Variants in MLLT10 observed in about 807,000 individuals in gnomAD.
The protein encoded by MLLT10 is MLLT10 histone lysine methyltransferase DOT1L cofactor, also known as protein AF-10.
MLLT10 carries 30 observed loss-of-function variants against 129.1 expected under a neutral mutation model. That is an observed-to-expected ratio of 0.23 (90% CI 0.17 to 0.32). The LOEUF (loss-of-function observed/expected upper bound fraction) is 0.32. Ranked by LOEUF, MLLT10 falls within the 10% of genes least tolerant of loss-of-function variation. The probability of loss-of-function intolerance (pLI) is 1.00; values close to 1 mark genes in which losing one functional copy is unlikely to be tolerated. For missense variants in MLLT10, 1,119 were observed against 1,268.3 expected, an observed-to-expected ratio of 0.88 and a Z score of 1.79; for synonymous variants, 490 against 446.4, an observed-to-expected ratio of 1.10 and a Z score of -1.23.
intron 3 of MLLT10, among the ~76,000 whole-genome samples, chr10:21,552,682 A>C (rs928527316): frequency 6.6e-6 from 1 of 152,074 alleles, no homozygotes; most frequent in South Asian, 2.1e-4. Flanking sequence ...GTGAGCCACC[A>C]TGCCCGGCCT....
chr10:21,602,631 T>C (rs1038736593), intron 5 of MLLT10, among the ~76,000 whole-genome samples: 1 of 152,232 alleles, frequency 6.6e-6, no homozygotes, highest in Non-Finnish European at 1.5e-5. Context: ...ATTAATGTTT[T>C]CAAATTGGTT....
intron 3 of MLLT10, among the ~76,000 whole-genome samples, chr10:21,584,490 T>G (rs907023923): frequency 2.0e-4 from 30 of 152,080 alleles, no homozygotes; most frequent in African/African-American, 6.7e-4. Flanking sequence ...TTTAAATTAT[T>G]TTTTGTAGAG....
At chr10:21,580,942 G>A (rs552177079) in intron 3 of MLLT10, among the ~76,000 whole-genome samples, 1 of 144,602 alleles carries the variant, frequency 6.9e-6, no homozygotes, top group South Asian at 2.2e-4. Context: ...TCGAACTCCT[G>A]ACCTCATGAT....
intron 4 of MLLT10, 105 bp from the exon 5 acceptor site, chr10:21,595,226 G>C: frequency 1.4e-6 from 1 of 727,346 alleles, no homozygotes; most frequent in East Asian, 2.6e-5. Context: ...TGTCCTTGTT[G>C]TGCATTTATT....
At chr10:21,598,922 G>C (rs1446270201) in intron 5 of MLLT10, among the ~76,000 whole-genome samples, 1 of 152,012 alleles carries the variant, frequency 6.6e-6, no homozygotes, top group Non-Finnish European at 1.5e-5. Flanking sequence ...ACTCACGCCT[G>C]TAATCCCAGC....
chr10:21,623,197 A>G (rs1249327100), intron 8 of MLLT10, among the ~76,000 whole-genome samples: 2 of 152,250 alleles, frequency 1.3e-5, no homozygotes, highest in Non-Finnish European at 2.9e-5. Flanking sequence ...AATTTATTAA[A>G]TCGTTGGTCA....
chr10:21,700,553 G>A (rs548319162), intron 13 of MLLT10, among the ~76,000 whole-genome samples: 6 of 152,204 alleles, frequency 3.9e-5, no homozygotes, highest in Admixed American at 3.3e-4. Context: ...TGCTTAGTTT[G>A]AGAGTTTTTA....
intron 13 of MLLT10, among the ~76,000 whole-genome samples, chr10:21,694,196 A>G (rs1192628485): frequency 6.6e-6 from 1 of 152,226 alleles, no homozygotes; most frequent in East Asian, 1.9e-4. Flanking sequence ...TTCTCCTACA[A>G]TATCACAGTA....
In MLLT10 at chr10:21,655,837, A is replaced by T. The variant is rs572344447; in HGVS notation, c.795+4069A>T. 8.5e-5 allele frequency among the ~76,000 whole-genome samples: 13 copies of T among 152,242 alleles called. No individual in the cohort carries two copies. In the East Asian group the frequency reaches 2.3e-3, roughly 27 times the overall value. On this transcript the variant is annotated intron_variant, in intron 9 of 22. Coordinates refer to ENST00000307729, the MANE Select transcript of MLLT10 (RefSeq NM_001195626.3). ...CAGGGTCGATCTAAGTTTTTGTTGGAACAAGAATCAGAGGAGATGTTCAGA... is the reference window on the plus strand; with the variant it reads ...CAGGGTCGATCTAAGTTTTTGTTGGTACAAGAATCAGAGGAGATGTTCAGA...
intron 3 of MLLT10, among the ~76,000 whole-genome samples, chr10:21,554,697 T>G (rs920577409): frequency 4.0e-5 from 6 of 151,676 alleles, no homozygotes; most frequent in African/African-American, 1.5e-4. Flanking sequence ...CCTGACCTCG[T>G]GATCTGCCCG....
At chr10:21,625,050 G>C in intron 8 of MLLT10, 1 of 875,938 alleles carries the variant, frequency 1.1e-6, no homozygotes, top group South Asian at 1.6e-5. Flanking sequence ...CTCCTTGATA[G>C]ATGTGGTAAT....
chr10:21,708,759 TTACTG>T (rs2055787281), intron 13 of MLLT10: 1 of 984,866 alleles, frequency 1.0e-6, no homozygotes, highest in Non-Finnish European at 1.2e-6. Flanking sequence ...CCAAGATGTT[TTACTG>T]CATGTTGTGA....
At position 21,577,682 on chromosome 10, in the gene MLLT10, G is replaced by T. The variant is rs1589040774; in HGVS notation, c.241-8612G>T. On this transcript the variant is annotated intron_variant, in intron 3 of 22. Coordinates refer to ENST00000307729, the MANE Select transcript of MLLT10 (RefSeq NM_001195626.3). ...GATGGGGTTTCACTATATTGGCTAG[G>T]CTAGTCTTGAACTCCTGACCTCAGG... Among the ~76,000 whole-genome samples, 7 of 152,012 alleles carry T rather than the reference G, an allele frequency of 4.6e-5. No individual in the cohort carries two copies. The South Asian group carries it at 1.5e-3, about 32-fold the overall frequency.
chr10:21,634,248 C>G (rs2047257586), intron 8 of MLLT10, among the ~76,000 whole-genome samples: 1 of 151,978 alleles, frequency 6.6e-6, no homozygotes, highest in East Asian at 1.9e-4. Flanking sequence ...AAAACAGTTA[C>G]CAGGATTTTC....
chr10:21,606,239 C>T (rs936397990), intron 5 of MLLT10, among the ~76,000 whole-genome samples: 2 of 152,264 alleles, frequency 1.3e-5, no homozygotes, highest in Admixed American at 1.3e-4. Context: ...TGAATGTAGG[C>T]CAATTAGTAA....
chr10:21,639,496 T>C (rs190349963), intron 8 of MLLT10, among the ~76,000 whole-genome samples: 1 of 152,316 alleles, frequency 6.6e-6, no homozygotes, highest in Admixed American at 6.5e-5. Flanking sequence ...ATTGGTTTAT[T>C]ATGAAGGATA....
chr10:21,610,244 G>A (rs1008533810), intron 5 of MLLT10, among the ~76,000 whole-genome samples: 19 of 152,182 alleles, frequency 1.2e-4, no homozygotes, highest in African/African-American at 4.6e-4. Context: ...GGCTTTTTGT[G>A]AGGATGGGGA....
Position 21,713,966 on chromosome 10 carries a change from A to C in MLLT10, c.1878+16A>C, listed in dbSNP as rs758849245. On this transcript the variant is annotated intron_variant, in intron 14 of 22. Coordinates refer to ENST00000307729, the MANE Select transcript of MLLT10 (RefSeq NM_001195626.3). ...TACAACTCAGGTAAGTTGTTACACT[A>C]TCATGTGACAGGTAATAGGTGGGTT... is the stretch of plus-strand genomic sequence containing the variant. 19 of 1,593,366 alleles carry C rather than the reference A, an allele frequency of 1.2e-5. No individual in the cohort carries two copies. Among genetic ancestry groups the C allele is most frequent in the Non-Finnish European group, 1.5e-5 (18 of 1,169,574 alleles).
At chr10:21,736,698 A>G (rs1367689612) in intron 21 of MLLT10, among the ~76,000 whole-genome samples, 1 of 152,222 alleles carries the variant, frequency 6.6e-6, no homozygotes. Context: ...AACCCAACCA[A>G]TTTTGGAGAG....
Sources: gnomAD v4.1 joint callset for allele counts (sites outside exome capture counted in the v4.1 genomes callset) on GRCh38, gnomAD v4.1.1 for gene constraint, MANE v1.5 for transcripts, NCBI Gene and HGNC (gene_info 2026-07-23, HGNC 2026-07-21) for gene names.